The following EYS variants were observed in gnomAD, a reference collection of about 807,000 sequenced individuals.
EYS encodes protein eyes shut homolog.
A neutral mutation model predicts 282.1 loss-of-function variants in EYS; 250 were observed. The ratio of observed to expected loss-of-function variants is 0.89; its 90% CI spans 0.80 to 0.98. The LOEUF is 0.98. EYS is among the 50% of genes least tolerant of loss of function. The probability of loss-of-function intolerance (pLI) is 0.00; values close to 1 mark genes in which losing one functional copy is unlikely to be tolerated. For synonymous variants in EYS, 1,355 were observed against 1,282.9 expected (o/e 1.06, Z -1.20); for missense variants, 4,016 against 3,709.0 (o/e 1.08, Z -2.15).
intron 12 of EYS, among the ~76,000 whole-genome samples, chr6:65,244,011 A>G (rs567237681): frequency 6.6e-6 from 1 of 152,318 alleles, no homozygotes; most frequent in Admixed American, 6.5e-5. Context: ...TATCATTGTC[A>G]TAGTCCTCTT....
At chr6:64,531,474 C>T (rs1272945169) in intron 26 of EYS, among the ~76,000 whole-genome samples, 1 of 151,444 alleles carries the variant, frequency 6.6e-6, no homozygotes, top group Non-Finnish European at 1.5e-5. Context: ...GCAAGCTCCG[C>T]CTCCCGGATT....
intron 9 of EYS, among the ~76,000 whole-genome samples, chr6:65,346,459 A>G (rs1242479244): frequency 1.3e-5 from 2 of 151,698 alleles, no homozygotes; most frequent in African/African-American, 4.8e-5. Context: ...AAGGATGGAA[A>G]ACTGCCCTAG....
At chr6:64,600,189 T>TC (rs541913140) in intron 24 of EYS, among the ~76,000 whole-genome samples, 68 of 152,096 alleles carry the variant, frequency 4.5e-4, no homozygotes, top group Non-Finnish European at 8.1e-4. Context: ...ATTGCTGACC[T>TC]CTGTTTACCT....
chr6:65,017,433 C>T (rs192569269), intron 13 of EYS, among the ~76,000 whole-genome samples: 162 of 152,120 alleles, frequency 1.1e-3, no homozygotes, highest in Middle Eastern at 3.4e-3. Context: ...ACATTAATAT[C>T]CATGTTCATG....
At chr6:63,861,010 A>T (rs1250320513) in intron 36 of EYS, among the ~76,000 whole-genome samples, 2 of 152,100 alleles carry the variant, frequency 1.3e-5, no homozygotes, top group Non-Finnish European at 2.9e-5. Flanking sequence ...CTTTATTTTA[A>T]TGATTCCCCT....
chr6:64,597,928 T>G (rs1313001995), intron 24 of EYS, among the ~76,000 whole-genome samples: 1 of 151,612 alleles, frequency 6.6e-6, no homozygotes, highest in Non-Finnish European at 1.5e-5. Flanking sequence ...TCTTCAATAT[T>G]ATGCTAATTA....
chr6:64,129,628 A>C, intron 31 of EYS, among the ~76,000 whole-genome samples: 1 of 152,100 alleles, frequency 6.6e-6, no homozygotes, highest in Non-Finnish European at 1.5e-5. Context: ...GAAGCTCCTT[A>C]GTTTAATTAG....
intron 22 of EYS, among the ~76,000 whole-genome samples, chr6:64,801,357 T>C (rs1774546413): frequency 6.6e-6 from 1 of 152,180 alleles, no homozygotes; most frequent in Non-Finnish European, 1.5e-5. Flanking sequence ...CATATCATTC[T>C]AAGAATTGCT....
At chr6:65,652,699 A>T (rs1767698664) in intron 1 of EYS, among the ~76,000 whole-genome samples, 1 of 151,948 alleles carries the variant, frequency 6.6e-6, no homozygotes, top group African/African-American at 2.4e-5. Context: ...GAGAATATTG[A>T]ACTTTCCCCT....
intron 12 of EYS, among the ~76,000 whole-genome samples, chr6:65,275,361 C>T (rs865845664): frequency 1.3e-5 from 2 of 152,154 alleles, no homozygotes; most frequent in African/African-American, 4.8e-5. Context: ...TATTAACCCA[C>T]CAAGTCACAA....
intron 12 of EYS, among the ~76,000 whole-genome samples, chr6:65,180,707 T>C (rs1301686105): frequency 6.6e-6 from 1 of 152,140 alleles, no homozygotes; most frequent in African/African-American, 2.4e-5. Context: ...AAAAAACTGC[T>C]TTAAAGTTCA....
At chr6:65,216,277 A>T (rs903709720) in intron 12 of EYS, among the ~76,000 whole-genome samples, 1 of 152,050 alleles carries the variant, frequency 6.6e-6, no homozygotes, top group Admixed American at 6.6e-5. Flanking sequence ...AAGTGTTTAC[A>T]TGAGTGAAGT....
chr6:65,267,063 C>A (rs1334335431), intron 12 of EYS, among the ~76,000 whole-genome samples: 1 of 150,820 alleles, frequency 6.6e-6, no homozygotes, highest in Non-Finnish European at 1.5e-5. Context: ...ACAAGTCTTG[C>A]TTCTTCCAGA....
chr6:65,329,195 G>A (rs763847125), intron 11 of EYS: 1 of 241,686 alleles, frequency 4.1e-6, no homozygotes, highest in Non-Finnish European at 6.7e-6. Flanking sequence ...AATATATAAC[G>A]TATGTATTTG....
chr6:64,982,819 C>G (rs1770722161), intron 14 of EYS, among the ~76,000 whole-genome samples: 1 of 150,876 alleles, frequency 6.6e-6, no homozygotes, highest in Non-Finnish European at 1.5e-5. Flanking sequence ...TATGCTTAAC[C>G]TTAATAAAGT....
chr6:65,598,519 C>T (rs1765493438), intron 2 of EYS, among the ~76,000 whole-genome samples: 1 of 152,100 alleles, frequency 6.6e-6, no homozygotes, highest in South Asian at 2.1e-4. Flanking sequence ...GTGTTGCCTA[C>T]ATGCAGCAGA....
chr6:64,783,465 C>T (rs1011245399), intron 22 of EYS, among the ~76,000 whole-genome samples: 7 of 151,532 alleles, frequency 4.6e-5, no homozygotes, highest in African/African-American at 7.3e-5. Context: ...CTACTGCAAT[C>T]AATTTATATC....
At chr6:65,422,817 T>C (rs1767516379) in intron 5 of EYS, among the ~76,000 whole-genome samples, 1 of 151,434 alleles carries the variant, frequency 6.6e-6, no homozygotes, top group Admixed American at 6.6e-5. Context: ...GACATATATA[T>C]ATATACATAT....
intron 28 of EYS, among the ~76,000 whole-genome samples, chr6:64,421,508 T>G (rs1582732258): frequency 6.6e-6 from 1 of 152,154 alleles, no homozygotes; most frequent in Non-Finnish European, 1.5e-5. Context: ...CAGAAATAAA[T>G]GTTAATTTTG....
Sources: allele counts gnomAD v4.1 joint callset (sites outside exome capture counted in the v4.1 genomes callset), GRCh38; gene constraint gnomAD v4.1.1; transcripts MANE v1.5; gene names NCBI Gene and HGNC (gene_info 2026-07-23, HGNC 2026-07-21).